Variants in TEK observed in about 807,000 individuals in gnomAD.
The protein encoded by TEK is TEK receptor tyrosine kinase, also known as angiopoietin-1 receptor.
A neutral mutation model predicts 131.8 loss-of-function variants in TEK; 43 were observed. The observed-to-expected ratio is 0.33, with a 90% CI of 0.26 to 0.42. The LOEUF (loss-of-function observed/expected upper bound fraction) is 0.42. Among genes scored for constraint, TEK ranks in the 10% least tolerant of loss-of-function variants. TEK has a pLI of 1.00. For synonymous variants in TEK, 580 were observed against 491.6 expected, an observed-to-expected ratio of 1.18 and a Z score of -2.38; for missense variants, 1,162 against 1,384.4, an observed-to-expected ratio of 0.84 and a Z score of 2.55.
At chr9:27,228,152 C>A in intron 21 of TEK, 54 bp from the exon 22 acceptor site, 1 of 1,452,252 alleles carries the variant, frequency 6.9e-7, no homozygotes, top group Non-Finnish European at 9.7e-7. Flanking sequence ...TCCTGCCGTG[C>A]CTAGGACTGA....
At chr9:27,180,525 T>C in intron 7 of TEK, 157 bp downstream of exon 7, 1 of 1,132,988 alleles carries the variant, frequency 8.8e-7, no homozygotes, top group Non-Finnish European at 1.3e-6. Context: ...AAGCACAGCA[T>C]TTTAATTCTG....
At chr9:27,218,472 A>T (rs1825913986) in intron 19 of TEK, among the ~76,000 whole-genome samples, 3 of 152,086 alleles carry the variant, frequency 2.0e-5, no homozygotes, top group Non-Finnish European at 4.4e-5. Flanking sequence ...GGTGGCAGAG[A>T]TTGGATTTAA....
In TEK at chr9:27,183,630, T is replaced by G. The variant is rs1350506297; in HGVS notation, c.1182+20T>G. The G allele has an allele frequency of 1.2e-6, 2 of 1,613,668 alleles. No individual in the cohort carries two copies. Among genetic ancestry groups the G allele is most frequent in the Non-Finnish European group, 8.5e-7 (1 of 1,179,680 alleles). On this transcript the variant is annotated intron_variant, in intron 8 of 22. Transcript: ENST00000380036. ...CTCCATGTAAGAGCCATTCTTAATT[T>G]GCCCTTCTTAAAGCATGAGATGCTT...
chr9:27,211,994 A>T lies in TEK; in HGVS notation c.2687-713A>T, dbSNP rs183016210. ...AAAACTGGGCAAATAACGTTTTATT[A>T]AAAAAAAAAAGAGAGAGAGAAATGA... On this transcript the variant is annotated intron_variant, in intron 16 of 22. Transcript: ENST00000380036. 5.2e-3 allele frequency among the ~76,000 whole-genome samples: 372 copies of T among 71,054 alleles called. 1 individual carries two copies. The highest frequency in any genetic ancestry group is 0.023 in the African/African-American group (348 of 14,862). 46.6% of individuals were successfully genotyped at this position (71,054 alleles called of 152,430 possible).
intron 12 of TEK, among the ~76,000 whole-genome samples, chr9:27,200,121 G>A (rs1026820810): frequency 6.6e-6 from 1 of 152,096 alleles, no homozygotes; most frequent in African/African-American, 2.4e-5. Flanking sequence ...AGTCCCCATG[G>A]TGAGTTGTGA....
intron 11 of TEK, among the ~76,000 whole-genome samples, chr9:27,193,655 C>T (rs538092857): frequency 1.3e-5 from 2 of 152,262 alleles, no homozygotes; most frequent in African/African-American, 4.8e-5. Flanking sequence ...CTCTCTTGGT[C>T]AGTACTTTAT....
chr9:27,129,770 C>T (rs1255376520), intron 1 of TEK, among the ~76,000 whole-genome samples: 1 of 152,188 alleles, frequency 6.6e-6, no homozygotes. Flanking sequence ...TTTTTCTCAT[C>T]TTAAACGCAT....
At chr9:27,223,219 A>C (rs1826164702) in intron 21 of TEK, among the ~76,000 whole-genome samples, 1 of 152,182 alleles carries the variant, frequency 6.6e-6, no homozygotes, top group Admixed American at 6.5e-5. Flanking sequence ...CGGATCAACG[A>C]GACAGAAGAT....
intron 1 of TEK, among the ~76,000 whole-genome samples, chr9:27,156,005 G>A (rs898266532): frequency 3.3e-5 from 5 of 152,042 alleles, no homozygotes; most frequent in Non-Finnish European, 7.4e-5. Context: ...GTTTCACCAT[G>A]TTGACCAGGC....
At chr9:27,205,697 G>T (rs556993718) in intron 14 of TEK, among the ~76,000 whole-genome samples, 2 of 152,018 alleles carry the variant, frequency 1.3e-5, no homozygotes, top group African/African-American at 2.4e-5. Flanking sequence ...TTACCAAGAG[G>T]CATCTTATTT....
rs369295836 is a variant in TEK at position 27,205,085 on chromosome 9, C to T, written c.2364+20C>T. 75 of 1,613,654 alleles carry T rather than the reference C, an allele frequency of 4.6e-5. No homozygotes were observed. The highest frequency in any genetic ancestry group is 8.3e-5 in the Admixed American group (5 of 59,976). ...AACGTGGTAGTGTCTCATCTTCCTA[C>T]TAGCTAATAAGGGCAAGTCCAAGTA... On this transcript the variant is annotated intron_variant, in intron 14 of 22. Transcript: ENST00000380036.
rs1403980200 is a variant in TEK, at chr9:27,138,371, AGCTGATTGGTCCATTTTACAGAGT to A, written c.53-19425_53-19402del. On this transcript the variant is annotated intron_variant, in intron 1 of 22. Transcript: ENST00000380036. ...GTGCTGATTGGTCCTTTTTACAGAG[AGCTGATTGGTCCATTTTACAGAGT>A]GCTGATTGGTCCATTTTACAGAGTG... Among the ~76,000 whole-genome samples the A allele has an allele frequency of 1.8e-4, 27 of 149,572 alleles. No individual in the cohort carries two copies. The East Asian group carries it at 4.7e-3, about 26-fold the overall frequency.
At chr9:27,194,962 G>T (rs1824953676) in intron 11 of TEK, among the ~76,000 whole-genome samples, 1 of 152,016 alleles carries the variant, frequency 6.6e-6, no homozygotes, top group Admixed American at 6.6e-5. Context: ...TTCCCAAAGG[G>T]CGGGAAAAGG....
intron 1 of TEK, among the ~76,000 whole-genome samples, chr9:27,130,626 C>CTTT (rs571794271): frequency 0.022 from 2,691 of 121,778 alleles, 96 homozygotes; most frequent in South Asian, 0.034. Flanking sequence ...GATTAAAGTA[C>CTTT]TTTTTTTTTT....
intron 11 of TEK, among the ~76,000 whole-genome samples, chr9:27,194,038 C>G (rs1214418626): frequency 2.0e-5 from 3 of 152,156 alleles, no homozygotes; most frequent in African/African-American, 7.2e-5. Flanking sequence ...AAACTCCTGC[C>G]TCAAGCAGTC....
At chr9:27,222,320 C>A (rs960859715) in intron 21 of TEK, among the ~76,000 whole-genome samples, 3 of 152,192 alleles carry the variant, frequency 2.0e-5, no homozygotes, top group Non-Finnish European at 4.4e-5. Flanking sequence ...CTTCCCCAAC[C>A]TAGCAAGACA....
Position 27,183,581 on chromosome 9 carries a change from CT to C in TEK, c.1154del (p.Leu385ArgfsTer2). On this transcript the variant is annotated frameshift_variant, in exon 8 of 23. Transcript: ENST00000380036. LOFTEE classifies it high-confidence loss of function. ...WPLPTNEEMT[L>X]VKPDGTVLHP... is the part of the protein sequence containing the mutation. Reference sequence around the variant, plus strand: ...GCTACCTACTAATGAAGAAATGACCCTGGTGAAGCCGGATGGGACAGTGCTC... The same window carrying C: ...GCTACCTACTAATGAAGAAATGACCCGGTGAAGCCGGATGGGACAGTGCTC... 6.2e-7 allele frequency: 1 copy of C among 1,613,918 alleles called. No individual in the cohort carries two copies.
chr9:27,170,959 C>T (rs1190300796), intron 4 of TEK, among the ~76,000 whole-genome samples: 2 of 152,144 alleles, frequency 1.3e-5, no homozygotes, highest in Admixed American at 6.5e-5. Flanking sequence ...CTCACTGAAA[C>T]GTGTCTGCTC....
intron 1 of TEK, among the ~76,000 whole-genome samples, chr9:27,139,497 G>A (rs1218848512): frequency 2.0e-5 from 3 of 151,140 alleles, no homozygotes; most frequent in African/African-American, 7.3e-5. Flanking sequence ...GCTAATTTTT[G>A]TATTTTTAGT....
Sources: gnomAD v4.1 joint callset for allele counts (sites outside exome capture counted in the v4.1 genomes callset) on GRCh38, gnomAD v4.1.1 for gene constraint, MANE v1.5 for transcripts, NCBI Gene and HGNC (gene_info 2026-07-23, HGNC 2026-07-21) for gene names.